Variants in DPYD observed in about 807,000 individuals in gnomAD.
DPYD encodes dihydropyrimidine dehydrogenase, also known as dihydropyrimidine dehydrogenase [NADP(+)].
In DPYD, 109 loss-of-function variants were observed where a neutral mutation model predicts 116.2. The ratio of observed to expected loss-of-function variants is 0.94; its 90% CI spans 0.80 to 1.10. DPYD has a LOEUF of 1.10. DPYD is among the 50% of genes least tolerant of loss of function. DPYD has a pLI of 0.00. For missense variants in DPYD, 1,302 were observed against 1,254.5 expected (o/e 1.04, Z -0.57); for synonymous variants, 440 against 432.0 (o/e 1.02, Z -0.23).
At chr1:97,362,984 A>C (rs916671367) in intron 16 of DPYD, among the ~76,000 whole-genome samples, 2 of 152,248 alleles carry the variant, frequency 1.3e-5, no homozygotes, top group Non-Finnish European at 2.9e-5. Flanking sequence ...GCTTCTGCAC[A>C]GCAAAATAAA....
intron 4 of DPYD, among the ~76,000 whole-genome samples, chr1:97,723,006 G>A (rs563597906): frequency 1.5e-4 from 23 of 151,382 alleles, no homozygotes; most frequent in African/African-American, 5.1e-4. Flanking sequence ...TAACCTTGAC[G>A]AAAATTCAGG....
chr1:97,864,337 C>T (rs1671266295), intron 2 of DPYD, among the ~76,000 whole-genome samples: 1 of 151,742 alleles, frequency 6.6e-6, no homozygotes, highest in Non-Finnish European at 1.5e-5. Context: ...GATTCATTTT[C>T]CAGAAGGTAT....
intron 14 of DPYD, among the ~76,000 whole-genome samples, chr1:97,387,695 G>A (rs1672431834): frequency 6.6e-6 from 1 of 152,094 alleles, no homozygotes; most frequent in Non-Finnish European, 1.5e-5. Context: ...ATGTGGAAGT[G>A]AGTAAAAGCA....
chr1:97,550,772 C>G (rs945982801), intron 11 of DPYD, among the ~76,000 whole-genome samples: 2 of 152,060 alleles, frequency 1.3e-5, no homozygotes, highest in South Asian at 2.1e-4. Context: ...GATTTTGGAA[C>G]AGAAAAGTTA....
intron 16 of DPYD, among the ~76,000 whole-genome samples, chr1:97,364,713 C>A (rs1223409070): frequency 1.3e-5 from 2 of 152,152 alleles, no homozygotes; most frequent in African/African-American, 4.8e-5. Flanking sequence ...ATAAGCACCA[C>A]CTCGTGTTTG....
chr1:97,570,974 T>C (rs1037226232), intron 11 of DPYD, among the ~76,000 whole-genome samples: 3 of 151,898 alleles, frequency 2.0e-5, no homozygotes, highest in Admixed American at 2.0e-4. Context: ...AGTGGAAAAC[T>C]AGATTTAAGA....
At chr1:97,476,023 G>GGCTA (rs1398192037) in intron 13 of DPYD, among the ~76,000 whole-genome samples, 2 of 152,092 alleles carry the variant, frequency 1.3e-5, no homozygotes, top group African/African-American at 4.8e-5. Flanking sequence ...GGGAGTCATG[G>GGCTA]GCTAGCAAGG....
chr1:97,596,553 T>C (rs182033790), intron 8 of DPYD, among the ~76,000 whole-genome samples: 3 of 152,324 alleles, frequency 2.0e-5, no homozygotes, highest in East Asian at 3.9e-4. Context: ...TGTAGTTTTA[T>C]TTTATTACTA....
intron 16 of DPYD, among the ~76,000 whole-genome samples, chr1:97,306,806 T>A (rs190195485): frequency 2.6e-5 from 4 of 151,980 alleles, no homozygotes; most frequent in African/African-American, 9.7e-5. Context: ...AATCTACATG[T>A]GATATATAGT....
intron 16 of DPYD, among the ~76,000 whole-genome samples, chr1:97,342,097 C>CCGT (rs1477174688): frequency 6.6e-6 from 1 of 152,124 alleles, no homozygotes; most frequent in Non-Finnish European, 1.5e-5. Context: ...GAATTTATTT[C>CCGT]AGAGAAGTAT....
chr1:97,835,466 T>C (rs1318846915), intron 2 of DPYD, among the ~76,000 whole-genome samples: 2 of 152,114 alleles, frequency 1.3e-5, no homozygotes, highest in Non-Finnish European at 2.9e-5. Flanking sequence ...TTGAAATATT[T>C]TAAGATTTCA....
chr1:97,545,222 T>G (rs1431975972), intron 12 of DPYD, among the ~76,000 whole-genome samples: 1 of 152,310 alleles, frequency 6.6e-6, no homozygotes, highest in East Asian at 1.9e-4. Context: ...ATGTAAATCT[T>G]TTAACTGTAC....
At chr1:97,845,908 A>T (rs1435526665) in intron 2 of DPYD, among the ~76,000 whole-genome samples, 1 of 152,216 alleles carries the variant, frequency 6.6e-6, no homozygotes, top group Admixed American at 6.5e-5. Context: ...GCAGCCTCAC[A>T]TGGAGCCGGG....
intron 16 of DPYD, among the ~76,000 whole-genome samples, chr1:97,363,696 A>T (rs1670871305): frequency 6.6e-6 from 1 of 152,272 alleles, no homozygotes; most frequent in African/African-American, 2.4e-5. Flanking sequence ...GCAAACTAGC[A>T]CAAGGACAAA....
At chr1:97,276,213 G>C (rs2100913232) in intron 18 of DPYD, among the ~76,000 whole-genome samples, 1 of 152,082 alleles carries the variant, frequency 6.6e-6, no homozygotes, top group South Asian at 2.1e-4. Context: ...GTGTTTCCTA[G>C]GTTTTCTTCT....
intron 16 of DPYD, among the ~76,000 whole-genome samples, chr1:97,338,003 CCTT>C (rs1323956391): frequency 6.6e-6 from 1 of 152,128 alleles, no homozygotes; most frequent in Non-Finnish European, 1.5e-5. Flanking sequence ...TTGATTCTCT[CCTT>C]CTCCTTTTCT....
At chr1:97,152,170 T>G (rs546592575) in intron 20 of DPYD, among the ~76,000 whole-genome samples, 1 of 152,204 alleles carries the variant, frequency 6.6e-6, no homozygotes, top group African/African-American at 2.4e-5. Flanking sequence ...ATTTACTTCA[T>G]AGGAAGCATT....
intron 13 of DPYD, among the ~76,000 whole-genome samples, chr1:97,498,642 A>T (rs1317280032): frequency 6.6e-6 from 1 of 151,732 alleles, no homozygotes; most frequent in African/African-American, 2.4e-5. Context: ...ACATTTTAAA[A>T]ATTATTTTAC....
intron 2 of DPYD, among the ~76,000 whole-genome samples, chr1:97,877,652 A>C (rs2101630089): frequency 6.6e-6 from 1 of 152,170 alleles, no homozygotes; most frequent in Non-Finnish European, 1.5e-5. Context: ...CAAAAAAGCA[A>C]GCTCATGCTT....
Sources: allele counts gnomAD v4.1 joint callset (sites outside exome capture counted in the v4.1 genomes callset), GRCh38; gene constraint gnomAD v4.1.1; transcripts MANE v1.5; gene names NCBI Gene and HGNC (gene_info 2026-07-23, HGNC 2026-07-21).